Variants in DCLK1 observed in about 807,000 individuals in gnomAD.
The protein encoded by DCLK1 is serine/threonine-protein kinase DCLK1.
In DCLK1, 16 loss-of-function variants were observed where a neutral mutation model predicts 86.2. That is an observed-to-expected ratio of 0.19 (90% CI 0.13 to 0.28). DCLK1 has a LOEUF of 0.28. Among genes scored for constraint, DCLK1 ranks in the 10% least tolerant of loss-of-function variants. The pLI is 1.00. For missense variants in DCLK1, 590 were observed against 940.2 expected, an observed-to-expected ratio of 0.63 and a Z score of 4.87; for synonymous variants, 369 against 370.5, an observed-to-expected ratio of 1.00 and a Z score of 0.05.
chr13:35,801,019 C>T (rs973779873), intron 15 of DCLK1, among the ~76,000 whole-genome samples: 5 of 151,978 alleles, frequency 3.3e-5, no homozygotes, highest in African/African-American at 9.7e-5. Flanking sequence ...CCACTGCACC[C>T]GGCCAAGACT....
chr13:36,013,111 T>G (rs1288001545), intron 3 of DCLK1, among the ~76,000 whole-genome samples: 1 of 104,446 alleles, frequency 9.6e-6, no homozygotes, highest in Non-Finnish European at 2.0e-5. Context: ...GTATTGGTTA[T>G]TCTAGTTATA....
Position 35,977,171 on chromosome 13 carries a change from C to T in DCLK1, c.724-29714G>A, listed in dbSNP as rs1342367063. 2.0e-5 allele frequency among the ~76,000 whole-genome samples: 3 copies of T among 152,180 alleles called. No homozygotes were observed. The East Asian group carries it at 5.8e-4, about 29-fold the overall frequency. Reference sequence around the variant, plus strand: ...GAAAGATAAATTCAAATTTTATCAACTGTTCCAAATATATAAGTTACTTCA... The same window carrying T: ...GAAAGATAAATTCAAATTTTATCAATTGTTCCAAATATATAAGTTACTTCA... On this transcript the variant is annotated intron_variant, in intron 3 of 16. Transcript: ENST00000360631.
At chr13:35,893,660 C>A (rs1873779546) in intron 4 of DCLK1, among the ~76,000 whole-genome samples, 1 of 152,204 alleles carries the variant, frequency 6.6e-6, no homozygotes, top group African/African-American at 2.4e-5. Flanking sequence ...ACCTTTTAAT[C>A]AAAACACAGC....
At chr13:35,920,726 CG>C (rs1875748422) in intron 4 of DCLK1, among the ~76,000 whole-genome samples, 1 of 152,162 alleles carries the variant, frequency 6.6e-6, no homozygotes, top group Middle Eastern at 3.4e-3. Flanking sequence ...CAGAAGGAAC[CG>C]GGGTGGGAGG....
intron 3 of DCLK1, among the ~76,000 whole-genome samples, chr13:36,036,369 C>T (rs1033472467): frequency 5.9e-5 from 9 of 152,206 alleles, no homozygotes; most frequent in Non-Finnish European, 1.2e-4. Context: ...CCAACACCAC[C>T]GGCTCGACCT....
chr13:36,053,936 C>T lies in DCLK1; in HGVS notation c.723+57933G>A, dbSNP rs1475305297. On this transcript the variant is annotated intron_variant, in intron 3 of 16. Coordinates refer to ENST00000360631, the MANE Select transcript of DCLK1 (RefSeq NM_001330071.2). The stretch of plus-strand genomic sequence containing the variant: ...ACACAAAGGGAAACAGCATGTGCTG[C>T]AGTTTGGTGTAATGCAGGATTAGTG... 2.6e-5 allele frequency among the ~76,000 whole-genome samples: 4 copies of T among 152,102 alleles called. No homozygotes were observed. The East Asian group carries it at 7.8e-4, about 29-fold the overall frequency.
At chr13:35,940,528 G>A (rs1014099317) in intron 4 of DCLK1, among the ~76,000 whole-genome samples, 6 of 152,114 alleles carry the variant, frequency 3.9e-5, no homozygotes, top group African/African-American at 1.4e-4. Context: ...TTAACCTTCT[G>A]GTTTCCTAGC....
intron 3 of DCLK1, among the ~76,000 whole-genome samples, chr13:35,980,745 C>T (rs2153141525): frequency 6.6e-6 from 1 of 152,300 alleles, no homozygotes; most frequent in Non-Finnish European, 1.5e-5. Context: ...ACCTAAATCC[C>T]TGGCATGCTC....
chr13:35,961,893 A>T (rs1196232889), intron 3 of DCLK1, among the ~76,000 whole-genome samples: 1 of 152,250 alleles, frequency 6.6e-6, no homozygotes, highest in East Asian at 1.9e-4. Flanking sequence ...ATCAGACATA[A>T]ATAAGGTTAA....
At chr13:35,982,431 AGGGGGAGGGAGGGAGGGAGGGAGGGAGG>A (rs1879699108) in intron 3 of DCLK1, among the ~76,000 whole-genome samples, 2 of 41,220 alleles carry the variant, frequency 4.9e-5, no homozygotes. Flanking sequence ...AGAGAGAGAG[AGGGGGAGGGAGGGAGGGAGGGAGGGAGG>A]GAGGGAGGGA....
chr13:36,051,051 C>T (rs1883105419), intron 3 of DCLK1, among the ~76,000 whole-genome samples: 1 of 152,192 alleles, frequency 6.6e-6, no homozygotes, highest in South Asian at 2.1e-4. Context: ...CACTCCACCC[C>T]AAACACTAAA....
intron 4 of DCLK1, among the ~76,000 whole-genome samples, chr13:35,922,670 G>A (rs1875867622): frequency 6.6e-6 from 1 of 152,158 alleles, no homozygotes; most frequent in African/African-American, 2.4e-5. Flanking sequence ...GGAAGGGAAC[G>A]GATGGAGATG....
chr13:35,923,710 T>C (rs1227068812), intron 4 of DCLK1, among the ~76,000 whole-genome samples: 1 of 152,154 alleles, frequency 6.6e-6, no homozygotes, highest in African/African-American at 2.4e-5. Flanking sequence ...TATTTCTATA[T>C]GCTGCAGTTC....
intron 16 of DCLK1, among the ~76,000 whole-genome samples, chr13:35,793,102 G>A (rs543114744): frequency 4.3e-4 from 65 of 152,140 alleles, no homozygotes; most frequent in African/African-American, 1.4e-3. Context: ...GGAGGTTTTC[G>A]GTTTTAAATA....
intron 3 of DCLK1, among the ~76,000 whole-genome samples, chr13:36,072,314 T>A (rs539572059): frequency 6.6e-6 from 1 of 152,338 alleles, no homozygotes; most frequent in South Asian, 2.1e-4. Context: ...TTGATTCCTA[T>A]CTAACCAGTC....
chr13:35,904,433 C>G (rs1254459283), intron 4 of DCLK1, among the ~76,000 whole-genome samples: 4 of 152,188 alleles, frequency 2.6e-5, no homozygotes, highest in Admixed American at 6.5e-5. Flanking sequence ...CACAGGTGAT[C>G]TGCTCGCCCC....
intron 8 of DCLK1, among the ~76,000 whole-genome samples, chr13:35,834,956 T>G (rs527376619): frequency 6.6e-6 from 1 of 152,264 alleles, no homozygotes; most frequent in East Asian, 1.9e-4. Flanking sequence ...CCGCAAGGGG[T>G]GCCAGGAGCA....
intron 6 of DCLK1, chr13:35,847,064 A>C: frequency 1.0e-6 from 1 of 985,184 alleles, no homozygotes; most frequent in Non-Finnish European, 1.2e-6. Flanking sequence ...CAACCACTAC[A>C]AGCCATCCAT....
chr13:36,078,126 A>T (rs1162873478), intron 3 of DCLK1, among the ~76,000 whole-genome samples: 1 of 152,200 alleles, frequency 6.6e-6, no homozygotes, highest in Non-Finnish European at 1.5e-5. Flanking sequence ...TGCTCCTATA[A>T]GACAAGGAAG....
Sources: gnomAD v4.1 joint callset for allele counts (sites outside exome capture counted in the v4.1 genomes callset) on GRCh38, gnomAD v4.1.1 for gene constraint, MANE v1.5 for transcripts, NCBI Gene and HGNC (gene_info 2026-07-23, HGNC 2026-07-21) for gene names.